Variants in PTGES3 observed in about 807,000 individuals in gnomAD.
PTGES3 encodes the protein prostaglandin E synthase 3, also known as Hsp90 co-chaperone.
A neutral mutation model predicts 29.9 loss-of-function variants in PTGES3; 5 were observed. The ratio of observed to expected loss-of-function variants is 0.17; its 90% CI spans 0.09 to 0.35. The LOEUF is 0.35. Among genes scored for constraint, PTGES3 ranks in the 10% least tolerant of loss-of-function variants. The pLI is 1.00. For missense variants in PTGES3, 128 were observed against 190.0 expected (o/e 0.67, Z 1.92); for synonymous variants, 49 against 57.8 (o/e 0.85, Z 0.69).
At chr12:56,686,107 A>AGTTTC (rs1443762452) in intron 1 of PTGES3, among the ~76,000 whole-genome samples, 2 of 83,408 alleles carry the variant, frequency 2.4e-5, no homozygotes, top group Admixed American at 1.4e-4. Flanking sequence ...TTTTAAATCT[A>AGTTTC]CTTTCCTAGT....
intron 1 of PTGES3, among the ~76,000 whole-genome samples, chr12:56,673,511 A>T (rs1265038764): frequency 6.8e-6 from 1 of 148,064 alleles, no homozygotes; most frequent in Non-Finnish European, 1.5e-5. Flanking sequence ...AAAAAAAAAA[A>T]AGCAGGGTAC....
chr12:56,674,638 A>G (rs1952141722), intron 1 of PTGES3, among the ~76,000 whole-genome samples: 1 of 151,792 alleles, frequency 6.6e-6, no homozygotes, highest in African/African-American at 2.4e-5. Context: ...CATCCTGGCT[A>G]ACACGATGAA....
chr12:56,675,367 A>G (rs977079971), intron 1 of PTGES3, among the ~76,000 whole-genome samples: 2 of 152,000 alleles, frequency 1.3e-5, no homozygotes, highest in Non-Finnish European at 2.9e-5. Flanking sequence ...CCCAGATAAA[A>G]CAAATTTAAA....
intron 5 of PTGES3, among the ~76,000 whole-genome samples, chr12:56,668,237 G>GTA (rs1214027627): frequency 6.6e-6 from 1 of 152,186 alleles, no homozygotes; most frequent in African/African-American, 2.4e-5. Flanking sequence ...AATGAAATGA[G>GTA]TAACTGGGAG....
At chr12:56,685,334 C>T (rs1167959627) in intron 1 of PTGES3, among the ~76,000 whole-genome samples, 11 of 151,708 alleles carry the variant, frequency 7.3e-5, no homozygotes, top group Admixed American at 7.2e-4. Flanking sequence ...ACACTTGTTT[C>T]CCCCAGCCCA....
intron 1 of PTGES3, among the ~76,000 whole-genome samples, chr12:56,677,165 G>A (rs1952293178): frequency 1.3e-5 from 2 of 150,874 alleles, no homozygotes; most frequent in Admixed American, 1.3e-4. Flanking sequence ...GCTTGAACAT[G>A]AAAGGCAGAG....
chr12:56,682,741 G>A (rs935203449), intron 1 of PTGES3, among the ~76,000 whole-genome samples: 1 of 48,854 alleles, frequency 2.0e-5, no homozygotes, highest in South Asian at 7.9e-4. Context: ...AAAAAAGGCC[G>A]GGCGTGGTGG....
chr12:56,686,964 C>A, intron 1 of PTGES3: 1 of 250,256 alleles, frequency 4.0e-6, no homozygotes, highest in Non-Finnish European at 7.3e-6. Flanking sequence ...TTCTCCATAC[C>A]TTTTAGGACG....
chr12:56,679,043 AG>A (rs1952400777), intron 1 of PTGES3, among the ~76,000 whole-genome samples: 1 of 152,114 alleles, frequency 6.6e-6, no homozygotes, highest in Admixed American at 6.6e-5. Flanking sequence ...GCTTGAGACA[AG>A]GAGTTTGAGG....
At chr12:56,674,943 A>G (rs1592258768) in intron 1 of PTGES3, among the ~76,000 whole-genome samples, 1 of 134,544 alleles carries the variant, frequency 7.4e-6, no homozygotes, top group East Asian at 2.2e-4. Context: ...AGTGGAGGTT[A>G]CGGTGAGCCG....
intron 1 of PTGES3, among the ~76,000 whole-genome samples, chr12:56,682,306 TC>T: frequency 6.6e-6 from 1 of 152,088 alleles, no homozygotes; most frequent in Non-Finnish European, 1.5e-5. Context: ...TGGCTCCAAT[TC>T]CAGCACTCTG....
intron 1 of PTGES3, among the ~76,000 whole-genome samples, chr12:56,675,566 T>C (rs539338542): frequency 1.3e-5 from 2 of 148,906 alleles, no homozygotes; most frequent in South Asian, 4.2e-4. Context: ...GAGATATTTG[T>C]GGCCTGCAAA....
intron 1 of PTGES3, among the ~76,000 whole-genome samples, chr12:56,679,500 A>G (rs545083696): frequency 9.6e-4 from 146 of 151,874 alleles, no homozygotes; most frequent in African/African-American, 3.4e-3. Context: ...TAATGTATGC[A>G]GAGGTGGAAA....
At chr12:56,687,374 G>A (rs1230940786) in intron 1 of PTGES3, 4 of 987,460 alleles carry the variant, frequency 4.1e-6, no homozygotes, top group Non-Finnish European at 4.8e-6. Context: ...GCAACCTCCC[G>A]TGTTTTCAAG....
At position 56,668,727 on chromosome 12, in the gene PTGES3, CTTTTA is replaced by C. The variant is rs1263004271; in HGVS notation, c.375+1543_375+1547del. 1.3e-5 allele frequency among the ~76,000 whole-genome samples: 2 copies of C among 152,174 alleles called. 1 individual carries two copies. The highest frequency in any genetic ancestry group is 4.8e-5 in the African/African-American group (2 of 41,452). ...TTGCATAAAGCTGGAAACTTAGCTC[CTTTTA>C]TTTAACTCTTAAGGTCTCAAAATAC... On this transcript the variant is annotated intron_variant, in intron 5 of 7. Coordinates refer to ENST00000262033, the MANE Select transcript of PTGES3 (RefSeq NM_006601.7).
rs1305768461 is a variant in PTGES3, at chr12:56,672,892, C to CA, written c.116+59dup. On this transcript the variant is annotated intron_variant, in intron 2 of 7. Coordinates refer to ENST00000262033, the MANE Select transcript of PTGES3 (RefSeq NM_006601.7). The stretch of plus-strand genomic sequence containing the variant: ...AACTTCAATGAAAAGACAAGCCAGT[C>CA]AAAGTTATTCAGTTGTGTGAATGAC... 3.2e-6 allele frequency: 5 copies of CA among 1,550,008 alleles called. No homozygotes were observed. In the African/African-American group the frequency reaches 4.1e-5, roughly 13 times the overall value.
chr12:56,687,300 C>T (rs1248520694), intron 1 of PTGES3: 17 of 991,468 alleles, frequency 1.7e-5, no homozygotes, highest in South Asian at 4.7e-5. Context: ...CCAAAGTCGA[C>T]ACGTGCGGAA....
intron 7 of PTGES3, 70 bp from the exon 8 acceptor site, chr12:56,664,568 G>A (rs1951721163): frequency 6.6e-7 from 1 of 1,513,764 alleles, no homozygotes; most frequent in Non-Finnish European, 9.0e-7. Context: ...TGTCTTAAAG[G>A]AAAAGCAACC....
At chr12:56,665,228 A>T in intron 6 of PTGES3, 1 of 985,366 alleles carries the variant, frequency 1.0e-6, no homozygotes, top group Non-Finnish European at 1.2e-6. Context: ...GGGGTTGGAA[A>T]GATGTTGAGA....
Sources: allele counts gnomAD v4.1 joint callset (sites outside exome capture counted in the v4.1 genomes callset), GRCh38; gene constraint gnomAD v4.1.1; transcripts MANE v1.5; gene names NCBI Gene and HGNC (gene_info 2026-07-23, HGNC 2026-07-21).